Variants in TJP1 observed in about 807,000 individuals in gnomAD.
TJP1 encodes the protein tight junction protein 1.
A neutral mutation model predicts 194.2 loss-of-function variants in TJP1; 43 were observed. The observed-to-expected ratio is 0.22, with a 90% CI of 0.17 to 0.29. TJP1 has a LOEUF of 0.29. TJP1 is among the 10% of genes least tolerant of loss of function. The probability of loss-of-function intolerance (pLI) is 1.00; values close to 1 mark genes in which losing one functional copy is unlikely to be tolerated. For synonymous variants in TJP1, 801 were observed against 779.0 expected (o/e 1.03, Z -0.47); for missense variants, 1,971 against 2,185.7 (o/e 0.90, Z 1.96).
chr15:29,869,791 CTTTCTTTTTTTTT>C (rs1435555880), intron 2 of TJP1, among the ~76,000 whole-genome samples: 7 of 102,912 alleles, frequency 6.8e-5, no homozygotes, highest in East Asian at 3.1e-4. Context: ...TTCTTTCTTT[CTTTCTTTTTTTTT>C]TTTTTTTTTT....
intron 2 of TJP1, among the ~76,000 whole-genome samples, chr15:29,782,920 G>A (rs1017019505): frequency 4.1e-5 from 6 of 145,402 alleles, no homozygotes; most frequent in African/African-American, 1.0e-4. Flanking sequence ...AAAACACGTT[G>A]CCAATAATCA....
intron 2 of TJP1, among the ~76,000 whole-genome samples, chr15:29,865,964 T>C (rs1469921602): frequency 6.6e-6 from 1 of 152,200 alleles, no homozygotes; most frequent in African/African-American, 2.4e-5. Flanking sequence ...TAAGAGAAGC[T>C]TTCTGCCCTT....
intron 2 of TJP1, among the ~76,000 whole-genome samples, chr15:29,892,498 A>T (rs976384006): frequency 2.0e-5 from 3 of 152,246 alleles, no homozygotes; most frequent in Non-Finnish European, 2.9e-5. Context: ...GGACTTTCAT[A>T]GCTAGAATGG....
intron 2 of TJP1, among the ~76,000 whole-genome samples, chr15:29,940,521 A>C (rs1413523947): frequency 6.6e-6 from 1 of 152,218 alleles, no homozygotes; most frequent in Non-Finnish European, 1.5e-5. Context: ...ACAGAATGGT[A>C]TCTGTTTCAA....
chr15:29,758,695 T>C (rs1390911146), intron 8 of TJP1, among the ~76,000 whole-genome samples: 1 of 152,206 alleles, frequency 6.6e-6, no homozygotes. Context: ...AGGTGCTATA[T>C]CACTGTGTGT....
Position 29,719,026 on chromosome 15 carries a change from T to C in TJP1, c.3116A>G (p.Tyr1039Cys), listed in dbSNP as rs376899483. The C allele has an allele frequency of 5.0e-5, 80 of 1,614,208 alleles. 1 individual carries two copies. The highest frequency in any genetic ancestry group is 3.3e-4 in the Middle Eastern group (2 of 6,062). ...CTCTACGTATGGGAGTTGGGGTTCA[T>C]AGGTCAGATTAGGCTCTTTGTCTGG... Reference protein sequence around the residue: ...HRPDKEPNLTYEPQLPYVEKQ... With the variant: ...HRPDKEPNLTCEPQLPYVEKQ... Residue 1039 changes from tyrosine (Y) to cysteine (C), a missense_variant, in exon 21 of 28, where the codon TAT becomes TGT. Tyr to Cys is a radical substitution (Grantham distance 194). Transcript: ENST00000614355.
At chr15:29,774,061 C>T (rs557453858) in intron 2 of TJP1, among the ~76,000 whole-genome samples, 2 of 152,258 alleles carry the variant, frequency 1.3e-5, no homozygotes, top group East Asian at 1.9e-4. Flanking sequence ...TCAAAGAAAT[C>T]ACTATTCCCT....
At chr15:29,927,127 T>A (rs1596271398) in intron 2 of TJP1, among the ~76,000 whole-genome samples, 2 of 151,580 alleles carry the variant, frequency 1.3e-5, no homozygotes, top group Admixed American at 1.3e-4. Context: ...CAAGACCAGC[T>A]TGGCCAACAT....
chr15:29,861,862 A>AT (rs895291458), intron 2 of TJP1, among the ~76,000 whole-genome samples: 3 of 151,760 alleles, frequency 2.0e-5, no homozygotes, highest in Admixed American at 6.6e-5. Context: ...CATTGTACCT[A>AT]TTTTTTTTCT....
intron 2 of TJP1, among the ~76,000 whole-genome samples, chr15:29,796,870 T>C (rs1266694725): frequency 6.6e-6 from 1 of 152,108 alleles, no homozygotes; most frequent in South Asian, 2.1e-4. Context: ...ATATGGTCAA[T>C]TGATTTTTGA....
chr15:29,790,975 C>T (rs866320418), intron 2 of TJP1, among the ~76,000 whole-genome samples: 96 of 152,200 alleles, frequency 6.3e-4, no homozygotes, highest in African/African-American at 2.3e-3. Context: ...TATAACTTGG[C>T]TATCACGAAT....
chr15:29,747,712 A>G (rs916875000), intron 8 of TJP1, among the ~76,000 whole-genome samples: 1 of 152,212 alleles, frequency 6.6e-6, no homozygotes, highest in African/African-American at 2.4e-5. Flanking sequence ...ATTAACAGAC[A>G]TTACCATCTT....
chr15:29,754,419 G>A (rs1304029840), intron 8 of TJP1, among the ~76,000 whole-genome samples: 1 of 152,038 alleles, frequency 6.6e-6, no homozygotes, highest in African/African-American at 2.4e-5. Context: ...TGGATACTGG[G>A]TTTAACATCT....
intron 2 of TJP1, among the ~76,000 whole-genome samples, chr15:29,890,812 A>G (rs993672221): frequency 3.3e-5 from 5 of 152,048 alleles, no homozygotes; most frequent in Admixed American, 3.3e-4. Flanking sequence ...AAAAAAAAAA[A>G]AATAGAATCA....
Position 29,782,399 on chromosome 15 carries a change from C to T in TJP1, c.85-9042G>A, listed in dbSNP as rs148936056. On this transcript the variant is annotated intron_variant, in intron 2 of 27. Transcript: ENST00000614355. ...GAGCCCAGAAATAAGGCCACACATA[C>T]GACCATCTGATCTTCGACAAAGCTG... 8.5e-5 allele frequency among the ~76,000 whole-genome samples: 13 copies of T among 152,226 alleles called. No individual in the cohort carries two copies. In the East Asian group the frequency reaches 9.7e-4, roughly 11 times the overall value.
At chr15:29,942,694 T>A (rs1232094160) in intron 2 of TJP1, among the ~76,000 whole-genome samples, 4 of 152,338 alleles carry the variant, frequency 2.6e-5, no homozygotes, top group South Asian at 2.1e-4. Flanking sequence ...CAGCGGTGCG[T>A]ACCTCCGCAG....
At chr15:29,929,253 A>C (rs2054623683) in intron 2 of TJP1, among the ~76,000 whole-genome samples, 2 of 152,206 alleles carry the variant, frequency 1.3e-5, no homozygotes, top group South Asian at 4.1e-4. Flanking sequence ...TGAAACCATA[A>C]AGGATATTAG....
At chr15:29,956,723 A>G (rs972910542) in intron 1 of TJP1, among the ~76,000 whole-genome samples, 1 of 152,006 alleles carries the variant, frequency 6.6e-6, no homozygotes. Context: ...CTACATATAC[A>G]CACACGAATA....
intron 2 of TJP1, among the ~76,000 whole-genome samples, chr15:29,777,343 C>CGAAGAA (rs1243188552): frequency 6.6e-6 from 1 of 151,962 alleles, no homozygotes; most frequent in Non-Finnish European, 1.5e-5. Context: ...AATTACACAG[C>CGAAGAA]GAAGAAGATA....
Sources: gnomAD v4.1 joint callset for allele counts (sites outside exome capture counted in the v4.1 genomes callset) on GRCh38, gnomAD v4.1.1 for gene constraint, MANE v1.5 for transcripts, NCBI Gene and HGNC (gene_info 2026-07-23, HGNC 2026-07-21) for gene names.